The following STS variants were observed in gnomAD, a reference collection of about 807,000 sequenced individuals.
STS encodes the protein steroid sulfatase.
STS carries 7 observed loss-of-function variants against 26.8 expected under a neutral mutation model. That is an observed-to-expected ratio of 0.26 (90% CI 0.15 to 0.49). The LOEUF (loss-of-function observed/expected upper bound fraction) is 0.49. Among genes scored for constraint, STS ranks in the 20% least tolerant of loss-of-function variants. The pLI is 0.98. For missense variants in STS, 434 were observed against 465.6 expected, an observed-to-expected ratio of 0.93 and a Z score of 0.63; for synonymous variants, 199 against 189.4, an observed-to-expected ratio of 1.05 and a Z score of -0.42.
At position 7,284,946 on chromosome X, in the gene STS, CTGA is replaced by C. The variant is rs769066000; in HGVS notation, c.943+8865_943+8867del. 1.6e-4 allele frequency among the ~76,000 whole-genome samples: 18 copies of C among 110,191 alleles called. No individual in the cohort carries two copies. The East Asian group carries it at 4.6e-3, about 28-fold the overall frequency. The stretch of plus-strand genomic sequence containing the variant: ...GATGGTGATGGTGATGGTGGTGATG[CTGA>C]TGATGGTGATGATGATGATGATGGT... On this transcript the variant is annotated intron_variant, in intron 7 of 10. Transcript: ENST00000674429.
chrX:7,267,132 A>G (rs1039012296), intron 6 of STS, among the ~76,000 whole-genome samples: 2 of 111,773 alleles, frequency 1.8e-5, no homozygotes, highest in East Asian at 5.6e-4. Context: ...TTTTCCATCT[A>G]CTCTAGTGCG....
chrX:7,324,914 GCAAAATACC>G (rs1196625167), intron 8 of STS, among the ~76,000 whole-genome samples: 1 of 111,360 alleles, frequency 9.0e-6, no homozygotes, highest in African/African-American at 3.3e-5. Context: ...GCCATATAAG[GCAAAATACC>G]CATTTCCCCA....
intron 7 of STS, among the ~76,000 whole-genome samples, chrX:7,302,817 G>A (rs1926033169): frequency 9.0e-6 from 1 of 111,253 alleles, no homozygotes; most frequent in African/African-American, 3.3e-5. Context: ...CTGCTGGATA[G>A]GATGTATTCC....
chrX:7,156,115 G>A (rs1411335013), intron 1 of STS, among the ~76,000 whole-genome samples: 2 of 109,099 alleles, frequency 1.8e-5, no homozygotes, highest in Non-Finnish European at 3.8e-5. Flanking sequence ...TCATGCCACT[G>A]CACTCCAGCC....
At chrX:7,154,846 A>G (rs1386650459) in intron 1 of STS, among the ~76,000 whole-genome samples, 2 of 112,642 alleles carry the variant, frequency 1.8e-5, no homozygotes, top group Non-Finnish European at 3.8e-5. Flanking sequence ...AATAAGGAAA[A>G]GGAAGCTTCA....
At chrX:7,304,281 A>C (rs1308539473) in intron 7 of STS, among the ~76,000 whole-genome samples, 1 of 112,229 alleles carries the variant, frequency 8.9e-6, no homozygotes, top group African/African-American at 3.2e-5. Flanking sequence ...TGGTCTAAAC[A>C]AGATAATATG....
At position 7,305,084 on chromosome X, in the gene STS, A is replaced by G; in HGVS notation, c.982A>G (p.Asn328Asp). 1 of 1,211,088 alleles carries G rather than the reference A, an allele frequency of 8.3e-7. No individual in the cohort carries two copies. The highest frequency in any genetic ancestry group is 1.1e-6 in the Non-Finnish European group (1 of 894,881). Reference sequence around the variant, plus strand: ...CCTTCTGGATGAGCTGAGATTGGCTAATGATACCCTCATCTACTTCACATC... The same window carrying G: ...CCTTCTGGATGAGCTGAGATTGGCTGATGATACCCTCATCTACTTCACATC... ...LNLLDELRLA[N>D]DTLIYFTSDQ... The change falls in exon 8 of 11, where the codon AAT (asparagine) becomes GAT (aspartate). Residue 328 changes from asparagine (N) to aspartate (D), a missense_variant. By Grantham distance (23) the Asn-to-Asp change is conservative. Transcript: ENST00000674429.
chrX:7,349,166 A>G (rs1225122327), intron 10 of STS, among the ~76,000 whole-genome samples: 1 of 78,172 alleles, frequency 1.3e-5, no homozygotes, highest in Non-Finnish European at 2.5e-5. Flanking sequence ...TTTTTTTTTT[A>G]ATTTCTTATA....
At chrX:7,242,292 T>C (rs1359976130) in intron 2 of STS, among the ~76,000 whole-genome samples, 2 of 110,845 alleles carry the variant, frequency 1.8e-5, no homozygotes, top group Non-Finnish European at 3.8e-5. Context: ...TTAATAGTTG[T>C]AATTTTAATA....
chrX:7,214,213 C>T (rs1332039478), intron 2 of STS, among the ~76,000 whole-genome samples: 3 of 112,554 alleles, frequency 2.7e-5, no homozygotes, highest in Non-Finnish European at 3.8e-5. Flanking sequence ...TGAACATGTT[C>T]CCTTTTTCTG....
chrX:7,339,867 A>G (rs1219486328), intron 10 of STS, among the ~76,000 whole-genome samples: 1 of 110,987 alleles, frequency 9.0e-6, no homozygotes, highest in Non-Finnish European at 1.9e-5. Flanking sequence ...ATTACCTTAT[A>G]GACAGTATCA....
At chrX:7,251,097 A>G (rs1601686116) in intron 2 of STS, among the ~76,000 whole-genome samples, 1 of 112,228 alleles carries the variant, frequency 8.9e-6, no homozygotes, top group Non-Finnish European at 1.9e-5. Flanking sequence ...AGCTGCTACA[A>G]GGGTGACATT....
intron 2 of STS, among the ~76,000 whole-genome samples, chrX:7,233,506 G>GT (rs1292283623): frequency 6.3e-5 from 7 of 111,671 alleles, no homozygotes; most frequent in African/African-American, 2.3e-4. Flanking sequence ...TCTCCATACG[G>GT]TTTTTTATAA....
Position 7,334,682 on chromosome X carries a change from TCTGA to T in STS, c.1363+578_1363+581del, listed in dbSNP as rs760825573. Among the ~76,000 whole-genome samples the T allele has an allele frequency of 6.2e-5, 7 of 112,691 alleles. No homozygotes were observed. The East Asian group carries it at 1.7e-3, about 27-fold the overall frequency. On this transcript the variant is annotated intron_variant, in intron 10 of 10. Transcript: ENST00000674429. Reference sequence around the variant, plus strand: ...GGAATGAAGAGCATTTAAATGTTTATCTGACTTACTTTCCCAGCCTAAAGATGAT... The same window carrying T: ...GGAATGAAGAGCATTTAAATGTTTATCTTACTTTCCCAGCCTAAAGATGAT...
chrX:7,223,549 T>C (rs757808436), intron 2 of STS, among the ~76,000 whole-genome samples: 43 of 112,224 alleles, frequency 3.8e-4, no homozygotes, highest in South Asian at 1.1e-3. Flanking sequence ...ATATGTCTTC[T>C]TTTGGAAAAT....
chrX:7,214,370 T>C (rs1317243425), intron 2 of STS, among the ~76,000 whole-genome samples: 1 of 111,739 alleles, frequency 8.9e-6, no homozygotes, highest in East Asian at 2.8e-4. Flanking sequence ...AGTGGCCTTA[T>C]TGTCTCTGAT....
intron 3 of STS, among the ~76,000 whole-genome samples, chrX:7,254,413 A>G (rs1424706867): frequency 9.0e-6 from 1 of 110,866 alleles, no homozygotes; most frequent in African/African-American, 3.3e-5. Context: ...TACTGACATT[A>G]AAATTTCACT....
intron 2 of STS, among the ~76,000 whole-genome samples, chrX:7,242,090 C>G (rs1922647356): frequency 9.0e-6 from 1 of 110,981 alleles, no homozygotes; most frequent in Non-Finnish European, 1.9e-5. Context: ...GAATTGACAT[C>G]TCATCACTTT....
At chrX:7,199,173 C>T (rs1383943030) in intron 2 of STS, among the ~76,000 whole-genome samples, 8 of 111,573 alleles carry the variant, frequency 7.2e-5, no homozygotes, top group African/African-American at 2.6e-4. Context: ...GCCTGCAATA[C>T]AGTTTTCAAA....
Sources: allele counts gnomAD v4.1 joint callset (sites outside exome capture counted in the v4.1 genomes callset), GRCh38; gene constraint gnomAD v4.1.1; transcripts MANE v1.5; gene names NCBI Gene and HGNC (gene_info 2026-07-23, HGNC 2026-07-21).